FRY: variants seen among roughly 807,000 people sequenced by gnomAD.
FRY encodes the protein FRY microtubule binding protein.
A neutral mutation model predicts 348.4 loss-of-function variants in FRY; 128 were observed. That is an observed-to-expected ratio of 0.37 (90% CI 0.32 to 0.43). FRY has a LOEUF of 0.43. FRY is among the 20% of genes least tolerant of loss of function. The pLI, the probability that FRY is intolerant of heterozygous loss-of-function variation, is 1.00. For missense variants in FRY, 2,736 were observed against 3,695.2 expected (o/e 0.74, Z 6.73); for synonymous variants, 1,370 against 1,374.7 (o/e 1.00, Z 0.08).
At chr13:32,185,188 G>A in intron 26 of FRY, 40 bp downstream of exon 26, 2 of 1,575,494 alleles carry the variant, frequency 1.3e-6, no homozygotes, top group Non-Finnish European at 1.7e-6. Flanking sequence ...TTCATGCTTG[G>A]AAGCCCATTC....
In FRY at chr13:32,069,037, C is replaced by A. The variant is rs192984050; in HGVS notation, c.71-9797C>A. Among the ~76,000 whole-genome samples, 7 of 151,920 alleles carry A rather than the reference C, an allele frequency of 4.6e-5. No homozygotes were observed. In the East Asian group the frequency reaches 1.4e-3, roughly 30 times the overall value. Reference sequence around the variant, plus strand: ...TTCACGCCCATTCTCCTGCCTCAGCCTCCCAAGTAGCTGGGACTAGAAGCA... The same window carrying A: ...TTCACGCCCATTCTCCTGCCTCAGCATCCCAAGTAGCTGGGACTAGAAGCA... On this transcript the variant is annotated intron_variant, in intron 1 of 60. Transcript: ENST00000542859.
At chr13:32,129,216 A>C (rs1478180981) in intron 7 of FRY, among the ~76,000 whole-genome samples, 3 of 152,194 alleles carry the variant, frequency 2.0e-5, no homozygotes, top group Non-Finnish European at 4.4e-5. Flanking sequence ...ATTTTATGAT[A>C]ATAACTTTGT....
intron 33 of FRY, 120 bp downstream of exon 33, chr13:32,209,851 A>C (rs1350617239): frequency 4.1e-6 from 4 of 982,802 alleles, no homozygotes; most frequent in East Asian, 4.9e-5. Flanking sequence ...AGTCACATGA[A>C]TCTCCTGTGA....
At chr13:32,227,985 T>C (rs543627878) in intron 39 of FRY, among the ~76,000 whole-genome samples, 114 of 152,176 alleles carry the variant, frequency 7.5e-4, no homozygotes, top group African/African-American at 2.5e-3. Flanking sequence ...CTCCTGACCT[T>C]GTGATCCACC....
chr13:32,085,660 TC>T (rs2138559942), intron 2 of FRY, among the ~76,000 whole-genome samples: 1 of 152,268 alleles, frequency 6.6e-6, no homozygotes, highest in Admixed American at 6.5e-5. Flanking sequence ...TTTGTCCTCA[TC>T]ACCACCCTCC....
chr13:32,035,495 T>C (rs2138341406), intron 1 of FRY, among the ~76,000 whole-genome samples: 1 of 152,284 alleles, frequency 6.6e-6, no homozygotes, highest in South Asian at 2.1e-4. Flanking sequence ...AAGTGGATAG[T>C]TCAAGCTATT....
chr13:32,105,004 G>A (rs767350616), intron 3 of FRY, among the ~76,000 whole-genome samples: 9 of 152,088 alleles, frequency 5.9e-5, no homozygotes, highest in East Asian at 1.9e-4. Flanking sequence ...TATTAGCAGC[G>A]TGAGAACAGA....
intron 59 of FRY, among the ~76,000 whole-genome samples, chr13:32,293,425 CA>C (rs1256928545): frequency 1.3e-5 from 2 of 152,120 alleles, no homozygotes; most frequent in African/African-American, 2.4e-5. Context: ...TTCAAGGCTT[CA>C]GTTTTTTATT....
At chr13:32,286,090 T>C (rs1158557378) in intron 58 of FRY, among the ~76,000 whole-genome samples, 1 of 152,182 alleles carries the variant, frequency 6.6e-6, no homozygotes, top group Non-Finnish European at 1.5e-5. Context: ...ATGGGAAGAA[T>C]AGACCCTTGG....
chr13:32,161,516 C>G lies in FRY; in HGVS notation c.1892+265C>G, dbSNP rs562010446. ...ACTAATGGCACAAAAATATACAATA[C>G]ATGATTCGTGGGTAAGAGATTACTA... On this transcript the variant is annotated intron_variant, in intron 17 of 60. Transcript: ENST00000542859. Among the ~76,000 whole-genome samples, 11 of 152,272 alleles carry G rather than the reference C, an allele frequency of 7.2e-5. No homozygotes were observed. In the South Asian group the frequency reaches 2.1e-3, roughly 29 times the overall value.
At chr13:32,127,559 C>T (rs1275176215) in intron 7 of FRY, among the ~76,000 whole-genome samples, 1 of 152,156 alleles carries the variant, frequency 6.6e-6, no homozygotes, top group Non-Finnish European at 1.5e-5. Flanking sequence ...GGGCGGATCA[C>T]AAGGCCAGGA....
intron 11 of FRY, among the ~76,000 whole-genome samples, chr13:32,141,087 A>G (rs911294320): frequency 6.6e-6 from 1 of 152,178 alleles, no homozygotes; most frequent in Non-Finnish European, 1.5e-5. Flanking sequence ...TCAGATCTAC[A>G]AAAATAAAGG....
At chr13:32,037,732 C>T (rs1872590654) in intron 1 of FRY, among the ~76,000 whole-genome samples, 1 of 152,178 alleles carries the variant, frequency 6.6e-6, no homozygotes, top group African/African-American at 2.4e-5. Context: ...TCCTATCCTA[C>T]CCTAAACAGA....
At chr13:32,168,296 A>G (rs929053188) in intron 17 of FRY, among the ~76,000 whole-genome samples, 3 of 152,238 alleles carry the variant, frequency 2.0e-5, no homozygotes, top group Non-Finnish European at 4.4e-5. Flanking sequence ...TCTCTTGCTC[A>G]GGGGAGTCCA....
chr13:32,260,825 G>GA (rs1224013491), intron 51 of FRY, among the ~76,000 whole-genome samples: 12 of 142,052 alleles, frequency 8.4e-5, no homozygotes, highest in South Asian at 6.6e-4. Flanking sequence ...TGTCTCAAAA[G>GA]AAAAAAACAA....
chr13:32,035,487 G>A (rs999583349), intron 1 of FRY, among the ~76,000 whole-genome samples: 3 of 152,176 alleles, frequency 2.0e-5, no homozygotes, highest in Non-Finnish European at 4.4e-5. Flanking sequence ...CAAGTTTAAA[G>A]TGGATAGTTC....
At chr13:32,064,880 T>C (rs1379554481) in intron 1 of FRY, among the ~76,000 whole-genome samples, 1 of 152,140 alleles carries the variant, frequency 6.6e-6, no homozygotes, top group Non-Finnish European at 1.5e-5. Context: ...GAAGCGAAAA[T>C]AGTTCTGAAA....
At position 32,239,335 on chromosome 13, in the gene FRY, G is replaced by A. The variant is rs369326494; in HGVS notation, c.6502G>A (p.Glu2168Lys). 46 of 1,598,200 alleles carry A rather than the reference G, an allele frequency of 2.9e-5. No individual in the cohort carries two copies. The highest frequency in any genetic ancestry group is 4.0e-5 in the African/African-American group (3 of 74,548). Residue 2168 changes from glutamate to lysine, a missense_variant, in exon 45 of 61, where the codon GAA becomes AAA. Physicochemically the swap from Glu to Lys is moderately conservative, Grantham distance 56. Transcript: ENST00000542859. The surrounding 1 kb of genome is among the most constrained non-coding windows in gnomAD (Gnocchi z 4.3). ...CAATCAGTTCTGTAAGGATATAGCC[G>A]AAAGGATTGCTCAGGTATGAGTTAC... ...NPNQFCKDIA[E>K]RIAQVCLEEK... is the part of the protein sequence containing the mutation.
Position 32,298,630 on chromosome 13 carries a change from A to G in FRY, c.*3170A>G, listed in dbSNP as rs1384658949. The G allele has an allele frequency of 6.6e-6, 1 of 152,248 alleles. No individual in the cohort carries two copies. Among genetic ancestry groups the G allele is most frequent in the Non-Finnish European group, 1.5e-5 (1 of 68,056 alleles). 9.4% of individuals were successfully genotyped at this position (152,248 alleles called of 1,614,324 possible). A position where few individuals can be genotyped will look rare whatever the true frequency, so the allele number is the denominator to read the frequency against. On this transcript the variant is annotated 3_prime_UTR_variant, in exon 61 of 61. Transcript: ENST00000542859. ...GAAGAACAAAACGGATACAGTGAGT[A>G]ATGTGGACAGGGCTATCTTAGCTAT...
Sources: allele counts gnomAD v4.1 joint callset (sites outside exome capture counted in the v4.1 genomes callset), GRCh38; gene constraint gnomAD v4.1.1; non-coding constraint Gnocchi (gnomAD v3.1); transcripts MANE v1.5; gene names NCBI Gene and HGNC (gene_info 2026-07-23, HGNC 2026-07-21).